Variants in COL14A1 observed in about 807,000 individuals in gnomAD.
COL14A1 encodes collagen alpha-1(XIV) chain.
COL14A1 carries 136 observed loss-of-function variants against 230.3 expected under a neutral mutation model. That is an observed-to-expected ratio of 0.59 (90% CI 0.51 to 0.68). The LOEUF (loss-of-function observed/expected upper bound fraction) is 0.68. Ranked by LOEUF, COL14A1 falls within the 30% of genes least tolerant of loss-of-function variation. The probability of loss-of-function intolerance (pLI) is 0.00; values close to 1 mark genes in which losing one functional copy is unlikely to be tolerated. For synonymous variants in COL14A1, 792 were observed against 784.1 expected, an observed-to-expected ratio of 1.01 and a Z score of -0.17; for missense variants, 1,976 against 2,215.8, an observed-to-expected ratio of 0.89 and a Z score of 2.17.
chr8:120,154,167 G>T (rs779179969), intron 2 of COL14A1, among the ~76,000 whole-genome samples: 54 of 152,248 alleles, frequency 3.5e-4, no homozygotes, highest in Non-Finnish European at 6.0e-4. Flanking sequence ...GTATCTTTAC[G>T]TAGATTGTCA....
chr8:120,353,608 G>A (rs2130329645), intron 45 of COL14A1, among the ~76,000 whole-genome samples: 1 of 151,550 alleles, frequency 6.6e-6, no homozygotes, highest in East Asian at 2.0e-4. Context: ...CTCAAAAGAA[G>A]ACATTTATGC....
At chr8:120,249,370 T>C (rs1818870505) in intron 21 of COL14A1, among the ~76,000 whole-genome samples, 1 of 151,994 alleles carries the variant, frequency 6.6e-6, no homozygotes, top group Non-Finnish European at 1.5e-5. Context: ...TCCTTATAAC[T>C]AGGAAAATAA....
chr8:120,223,380 G>C (rs1479876208), intron 14 of COL14A1, among the ~76,000 whole-genome samples: 1 of 152,058 alleles, frequency 6.6e-6, no homozygotes, highest in African/African-American at 2.4e-5. Flanking sequence ...TCATAAATAA[G>C]AGATCTTGGC....
chr8:120,310,740 C>T (rs570369198), intron 37 of COL14A1, among the ~76,000 whole-genome samples: 12 of 152,316 alleles, frequency 7.9e-5, no homozygotes, highest in East Asian at 7.7e-4. Context: ...CTTAACATTT[C>T]GATTGATTCT....
intron 12 of COL14A1, among the ~76,000 whole-genome samples, chr8:120,210,672 A>T (rs1161330036): frequency 6.6e-6 from 1 of 152,182 alleles, no homozygotes; most frequent in Non-Finnish European, 1.5e-5. Context: ...AATGAAGAGG[A>T]TGAATCTCTG....
chr8:120,308,695 T>C (rs1820927198), intron 36 of COL14A1, among the ~76,000 whole-genome samples: 1 of 152,238 alleles, frequency 6.6e-6, no homozygotes. Context: ...ACCCAGTGTT[T>C]TCTTAAGTGA....
Position 120,289,716 on chromosome 8 carries a change from G to A in COL14A1, c.4186G>A (p.Val1396Met), listed in dbSNP as rs1351078515. Residue 1396 changes from valine to methionine, a missense_variant, in exon 34 of 48, where the codon GTG becomes ATG. Val to Met is a conservative substitution (Grantham distance 21, BLOSUM62 1). Around this residue, in one of 3 missense-constraint regions of COL14A1, gnomAD observed 1,791 missense variants for 2,019.5 expected, o/e 0.89. Coordinates refer to ENST00000297848, the MANE Select transcript of COL14A1 (RefSeq NM_021110.4). ...TAATATCACGTCAGATGGTGTAGAAGTGCTAGGGAAAATGGTTCGATCAAG... is the reference window on the plus strand; with the variant it reads ...TAATATCACGTCAGATGGTGTAGAAATGCTAGGGAAAATGGTTCGATCAAG... ...SANITSDGVE[V>M]LGKMVRSRGP... 2.2e-5 allele frequency: 35 copies of A among 1,613,950 alleles called. No homozygotes were observed. The highest frequency in any genetic ancestry group is 2.7e-5 in the Non-Finnish European group (32 of 1,179,972).
chr8:120,278,343 AT>A, intron 27 of COL14A1, 91 bp from the exon 28 acceptor site: 1 of 1,507,760 alleles, frequency 6.6e-7, no homozygotes, highest in Non-Finnish European at 8.9e-7. Context: ...TTTTTTTTTC[AT>A]TAATTTAAGA....
intron 5 of COL14A1, among the ~76,000 whole-genome samples, chr8:120,176,992 AG>A (rs1235281365): frequency 2.0e-5 from 3 of 152,182 alleles, no homozygotes; most frequent in African/African-American, 4.8e-5. Flanking sequence ...GGAGGCCCTG[AG>A]GAAGCCACTC....
chr8:120,248,747 T>C (rs1045922536), intron 21 of COL14A1, among the ~76,000 whole-genome samples: 2 of 151,896 alleles, frequency 1.3e-5, no homozygotes, highest in African/African-American at 4.8e-5. Flanking sequence ...CCCAGCTACC[T>C]GGGAGGTTGA....
chr8:120,354,530 T>C (rs7846160), intron 45 of COL14A1, among the ~76,000 whole-genome samples: 71,119 of 152,034 alleles, frequency 0.47, 17,228 homozygotes, highest in African/African-American at 0.61. Context: ...ATGTTCGCAA[T>C]GTGATGTACA....
intron 20 of COL14A1, among the ~76,000 whole-genome samples, chr8:120,247,393 A>G (rs1254787219): frequency 2.6e-5 from 4 of 151,326 alleles, no homozygotes; most frequent in Non-Finnish European, 5.9e-5. Context: ...ACTGCACTCC[A>G]GCCTGGGTGA....
At position 120,202,989 on chromosome 8, in the gene COL14A1, A is replaced by AATATATATATATATATATATATATAT. The variant is rs201356550; in HGVS notation, c.878-713_878-688dup. Among the ~76,000 whole-genome samples, 137 of 106,500 alleles carry AATATATATATATATATATATATATAT rather than the reference A, an allele frequency of 1.3e-3. 2 individuals carry two copies. The highest frequency in any genetic ancestry group is 2.0e-3 in the Non-Finnish European group (98 of 49,924). The allele number at this position is 106,500 out of a possible 152,430, so 69.9% of individuals were successfully genotyped here. A position where few individuals can be genotyped will look rare whatever the true frequency, so the allele number is the denominator to read the frequency against. ...ATGCTATACAATAATAATAATTTCAAATATATATATATATATATATATATA... is the reference window on the plus strand; with the variant it reads ...ATGCTATACAATAATAATAATTTCAAATATATATATATATATATATATATATATATATATATATATATATATATATA... On this transcript the variant is annotated intron_variant, in intron 8 of 47. Coordinates refer to ENST00000297848, the MANE Select transcript of COL14A1 (RefSeq NM_021110.4).
intron 19 of COL14A1, among the ~76,000 whole-genome samples, chr8:120,238,299 C>G (rs184210580): frequency 4.3e-4 from 65 of 152,262 alleles, no homozygotes; most frequent in African/African-American, 1.4e-3. Flanking sequence ...TTTAGAGATG[C>G]CCTGCCCAGA....
intron 40 of COL14A1, among the ~76,000 whole-genome samples, chr8:120,317,900 G>A (rs1344300846): frequency 6.6e-6 from 1 of 152,122 alleles, no homozygotes; most frequent in Non-Finnish European, 1.5e-5. Flanking sequence ...AACTTTTAGA[G>A]TATGTCTGAT....
intron 33 of COL14A1, among the ~76,000 whole-genome samples, chr8:120,288,616 T>G (rs918467816): frequency 1.3e-5 from 2 of 152,192 alleles, no homozygotes; most frequent in Non-Finnish European, 2.9e-5. Flanking sequence ...TTAAACAGAT[T>G]TGTAACTTCT....
chr8:120,267,217 C>A (rs1226510034), intron 25 of COL14A1, among the ~76,000 whole-genome samples: 7 of 151,918 alleles, frequency 4.6e-5, no homozygotes, highest in Non-Finnish European at 1.0e-4. Context: ...AGTTTCCCAG[C>A]CTACCTCTGA....
chr8:120,220,591 G>A (rs1042137899), intron 14 of COL14A1, among the ~76,000 whole-genome samples: 4 of 151,686 alleles, frequency 2.6e-5, no homozygotes, highest in Non-Finnish European at 5.9e-5. Context: ...GATTATTAAC[G>A]CTTTTGATTT....
intron 42 of COL14A1, among the ~76,000 whole-genome samples, chr8:120,340,092 A>G (rs1392874251): frequency 1.5e-5 from 2 of 132,268 alleles, no homozygotes; most frequent in Admixed American, 1.5e-4. Flanking sequence ...TATGTGGTGT[A>G]TGTTTGTGAG....
Sources: allele counts gnomAD v4.1 joint callset (sites outside exome capture counted in the v4.1 genomes callset), GRCh38; gene constraint gnomAD v4.1.1; regional missense constraint gnomAD v4.1.1; transcripts MANE v1.5; gene names NCBI Gene and HGNC (gene_info 2026-07-23, HGNC 2026-07-21).